The following LRP1B variants were observed in gnomAD, a reference collection of about 807,000 sequenced individuals.
The protein encoded by LRP1B is LDL receptor related protein 1B.
LRP1B carries 217 observed loss-of-function variants against 556.6 expected under a neutral mutation model. That is an observed-to-expected ratio of 0.39 (90% CI 0.35 to 0.44). The LOEUF (loss-of-function observed/expected upper bound fraction) is 0.44. Among genes scored for constraint, LRP1B ranks in the 20% least tolerant of loss-of-function variants. The pLI is 1.00. For missense variants in LRP1B, 5,053 were observed against 5,620.8 expected (o/e 0.90, Z 3.23); for synonymous variants, 2,047 against 1,865.8 (o/e 1.10, Z -2.50).
chr2:140,857,997 A>G (rs1692669348), intron 27 of LRP1B, among the ~76,000 whole-genome samples: 1 of 152,182 alleles, frequency 6.6e-6, no homozygotes, highest in Admixed American at 6.5e-5. Context: ...TATATTCACA[A>G]TATTTTAAAA....
At position 140,442,526 on chromosome 2, in the gene LRP1B, A is replaced by G; in HGVS notation, c.10392T>C (p.Asp3464=). Residue 3464 remains aspartate, a synonymous_variant, in exon 66 of 91, where the codon GAT becomes GAC. Coordinates refer to ENST00000389484, the MANE Select transcript of LRP1B (RefSeq NM_018557.3). ...CACCGCAGTTGGCCTCGTCTGATGC[A>G]TCTGCACAGTCTGGATCCTCGTCAC... ...WVCDEDPDCA[D]ASDEANCDKK... is the part of the protein sequence containing the mutation. 1.9e-6 allele frequency: 3 copies of G among 1,613,942 alleles called. No individual in the cohort carries two copies. Among genetic ancestry groups the G allele is most frequent in the African/African-American group, 1.3e-5 (1 of 75,026 alleles).
At chr2:141,153,660 A>G (rs1051888900) in intron 7 of LRP1B, among the ~76,000 whole-genome samples, 4 of 144,330 alleles carry the variant, frequency 2.8e-5, no homozygotes, top group African/African-American at 1.0e-4. Context: ...TTACATATCT[A>G]TTTCTCACAT....
intron 1 of LRP1B, among the ~76,000 whole-genome samples, chr2:141,852,032 T>C (rs1697879728): frequency 6.6e-6 from 1 of 151,768 alleles, no homozygotes; most frequent in African/African-American, 2.4e-5. Flanking sequence ...TCAAATAAAG[T>C]TGGGATGTCC....
Position 141,613,069 on chromosome 2 carries a change from A to G in LRP1B, c.206-132536T>C, listed in dbSNP as rs907188606. Reference sequence around the variant, plus strand: ...CGTGATCCACCTGCTCAGCCTCCCAAAGTGCTGGGATTATAGGCATGAGCC... The same window carrying G: ...CGTGATCCACCTGCTCAGCCTCCCAGAGTGCTGGGATTATAGGCATGAGCC... On this transcript the variant is annotated intron_variant, in intron 2 of 90. Coordinates refer to ENST00000389484, the MANE Select transcript of LRP1B (RefSeq NM_018557.3). Among the ~76,000 whole-genome samples the G allele has an allele frequency of 3.9e-5, 6 of 151,954 alleles. No homozygotes were observed. The East Asian group carries it at 7.8e-4, about 20-fold the overall frequency.
intron 3 of LRP1B, among the ~76,000 whole-genome samples, chr2:141,315,822 A>G (rs1437277909): frequency 7.0e-6 from 1 of 143,206 alleles, no homozygotes; most frequent in East Asian, 2.1e-4. Context: ...ATTACCTGAT[A>G]CTGCAAAACT....
chr2:140,949,135 T>C (rs1195698737), intron 20 of LRP1B, among the ~76,000 whole-genome samples: 1 of 152,204 alleles, frequency 6.6e-6, no homozygotes, highest in African/African-American at 2.4e-5. Flanking sequence ...TAAATTACTT[T>C]GTTGCTTGTT....
At chr2:140,278,912 C>T (rs937657054) in intron 84 of LRP1B, among the ~76,000 whole-genome samples, 1 of 151,884 alleles carries the variant, frequency 6.6e-6, no homozygotes, top group Admixed American at 6.6e-5. Context: ...CCTCCCATTG[C>T]CTTTCTGTGA....
chr2:142,085,602 T>C (rs1361940699), intron 1 of LRP1B, among the ~76,000 whole-genome samples: 3 of 152,208 alleles, frequency 2.0e-5, no homozygotes, highest in African/African-American at 7.2e-5. Flanking sequence ...TTATATCTTA[T>C]TATTTATACA....
At chr2:140,778,138 G>C (rs1689562929) in intron 32 of LRP1B, among the ~76,000 whole-genome samples, 1 of 152,138 alleles carries the variant, frequency 6.6e-6, no homozygotes, top group Admixed American at 6.5e-5. Flanking sequence ...AAGTGCATAA[G>C]GTCCTTCTGC....
At chr2:141,233,311 A>G (rs979600546) in intron 5 of LRP1B, among the ~76,000 whole-genome samples, 1 of 152,220 alleles carries the variant, frequency 6.6e-6, no homozygotes, top group African/African-American at 2.4e-5. Context: ...CAGGCTGTCA[A>G]CTGATTCATG....
intron 3 of LRP1B, among the ~76,000 whole-genome samples, chr2:141,358,638 T>C (rs1400094139): frequency 6.6e-6 from 1 of 152,366 alleles, no homozygotes; most frequent in South Asian, 2.1e-4. Flanking sequence ...AGTAGATTGT[T>C]AGTTCTACGA....
At chr2:140,931,275 C>T (rs1340987290) in intron 20 of LRP1B, among the ~76,000 whole-genome samples, 1 of 152,090 alleles carries the variant, frequency 6.6e-6, no homozygotes, top group Non-Finnish European at 1.5e-5. Context: ...TGCCATATTT[C>T]TTGGTTTATT....
intron 5 of LRP1B, among the ~76,000 whole-genome samples, chr2:141,244,973 G>A (rs1245915468): frequency 6.6e-6 from 1 of 152,042 alleles, no homozygotes. Flanking sequence ...GATGTAGTAG[G>A]ACATTATCAT....
chr2:141,342,192 C>G (rs576491219), intron 3 of LRP1B, among the ~76,000 whole-genome samples: 2 of 147,582 alleles, frequency 1.4e-5, no homozygotes, highest in Admixed American at 6.8e-5. Flanking sequence ...TGCAGTGAGC[C>G]GAGATCGTGC....
At chr2:140,698,692 A>G (rs1474903568) in intron 41 of LRP1B, among the ~76,000 whole-genome samples, 1 of 152,076 alleles carries the variant, frequency 6.6e-6, no homozygotes, top group Non-Finnish European at 1.5e-5. Flanking sequence ...GTATTCTTTC[A>G]TATTACACCA....
intron 2 of LRP1B, among the ~76,000 whole-genome samples, chr2:141,765,866 C>T (rs1195978652): frequency 2.0e-5 from 3 of 152,210 alleles, no homozygotes. Flanking sequence ...AACTCTACCT[C>T]TGACTTCGAA....
At chr2:142,094,383 A>G (rs1396467211) in intron 1 of LRP1B, among the ~76,000 whole-genome samples, 1 of 152,100 alleles carries the variant, frequency 6.6e-6, no homozygotes, top group African/African-American at 2.4e-5. Flanking sequence ...ATAAAGTATA[A>G]GACGGTAATG....
intron 1 of LRP1B, among the ~76,000 whole-genome samples, chr2:141,811,433 G>A (rs146631666): frequency 1.5e-3 from 231 of 151,770 alleles, no homozygotes; most frequent in African/African-American, 4.7e-3. Context: ...AGTTTTGCCC[G>A]AGCAATATGG....
chr2:141,175,346 C>T (rs993153326), intron 7 of LRP1B, among the ~76,000 whole-genome samples: 11 of 152,042 alleles, frequency 7.2e-5, no homozygotes, highest in Admixed American at 2.6e-4. Context: ...GGCCTTGAGG[C>T]CTATGAGAGA....
Sources: gnomAD v4.1 joint callset for allele counts (sites outside exome capture counted in the v4.1 genomes callset) on GRCh38, gnomAD v4.1.1 for gene constraint, MANE v1.5 for transcripts, NCBI Gene and HGNC (gene_info 2026-07-23, HGNC 2026-07-21) for gene names.